CYRIA: variants seen among roughly 807,000 people sequenced by gnomAD.
CYRIA encodes CYFIP-related Rac1 interactor A.
A neutral mutation model predicts 43.9 loss-of-function variants in CYRIA; 15 were observed. The ratio of observed to expected loss-of-function variants is 0.34; its 90% confidence interval spans 0.23 to 0.53. The LOEUF is 0.53. CYRIA is among the 20% of genes least tolerant of loss of function. CYRIA has a pLI of 0.94. For missense variants in CYRIA, 236 were observed against 394.2 expected (o/e 0.60, Z 3.40); for synonymous variants, 117 against 136.0 (o/e 0.86, Z 0.97).
chr2:16,583,104 T>C (rs1051849391), intron 3 of CYRIA, among the ~76,000 whole-genome samples: 3 of 152,230 alleles, frequency 2.0e-5, no homozygotes, highest in African/African-American at 7.2e-5. Context: ...ATTTCCTTCA[T>C]GACTAATGAT....
At chr2:16,658,839 G>A (rs761449392) in intron 1 of CYRIA, among the ~76,000 whole-genome samples, 13 of 152,114 alleles carry the variant, frequency 8.5e-5, no homozygotes, top group African/African-American at 1.2e-4. Context: ...CAGCATGCAT[G>A]CCTGTCACTC....
At chr2:16,591,434 T>C (rs1667926890) in intron 2 of CYRIA, among the ~76,000 whole-genome samples, 2 of 152,078 alleles carry the variant, frequency 1.3e-5, no homozygotes, top group Admixed American at 1.3e-4. Flanking sequence ...TTTTTTTAAC[T>C]GAAAAAAGGA....
intron 10 of CYRIA, among the ~76,000 whole-genome samples, 162 bp from the exon 11 acceptor site, chr2:16,555,301 T>A (rs1269694397): frequency 6.6e-6 from 1 of 152,160 alleles, no homozygotes; most frequent in Non-Finnish European, 1.5e-5. Context: ...GCTGGTGAGC[T>A]GTTCCTCTGG....
At chr2:16,582,530 C>T (rs2103448722) in intron 3 of CYRIA, among the ~76,000 whole-genome samples, 1 of 152,286 alleles carries the variant, frequency 6.6e-6, no homozygotes, top group African/African-American at 2.4e-5. Context: ...CCAACCCTCT[C>T]CCCACCTCCG....
intron 2 of CYRIA, among the ~76,000 whole-genome samples, chr2:16,602,864 G>T (rs1316760240): frequency 6.6e-6 from 1 of 151,994 alleles, no homozygotes; most frequent in African/African-American, 2.4e-5. Flanking sequence ...CCCTAATAAG[G>T]ACACCCTCGC....
At chr2:16,657,003 AGCCTGGGG>A (rs769581622) in intron 1 of CYRIA, among the ~76,000 whole-genome samples, 13 of 152,254 alleles carry the variant, frequency 8.5e-5, no homozygotes, top group Non-Finnish European at 1.3e-4. Flanking sequence ...TCCAGAGGTC[AGCCTGGGG>A]CTGGCAGAAG....
At chr2:16,610,241 T>C (rs1034769613) in intron 2 of CYRIA, among the ~76,000 whole-genome samples, 5 of 152,310 alleles carry the variant, frequency 3.3e-5, no homozygotes, top group South Asian at 2.1e-4. Context: ...AGCAAGTGAG[T>C]AACTTGCCTA....
At chr2:16,604,629 T>C (rs1477616466) in intron 2 of CYRIA, among the ~76,000 whole-genome samples, 1 of 152,238 alleles carries the variant, frequency 6.6e-6, no homozygotes, top group East Asian at 1.9e-4. Context: ...AAAATACTTC[T>C]CATCTAAAGG....
At chr2:16,609,460 G>T (rs527392826) in intron 2 of CYRIA, among the ~76,000 whole-genome samples, 1 of 152,276 alleles carries the variant, frequency 6.6e-6, no homozygotes, top group South Asian at 2.1e-4. Context: ...CTTCTAGCTG[G>T]AGACCACATG....
chr2:16,570,477 A>G (rs1287509459), intron 3 of CYRIA, among the ~76,000 whole-genome samples: 1 of 152,168 alleles, frequency 6.6e-6, no homozygotes, highest in African/African-American at 2.4e-5. Context: ...AGCTGTTATC[A>G]TTTTGCCATC....
At chr2:16,645,995 T>C (rs944597457) in intron 1 of CYRIA, among the ~76,000 whole-genome samples, 5 of 152,182 alleles carry the variant, frequency 3.3e-5, no homozygotes, top group South Asian at 2.1e-4. Flanking sequence ...AAATGCCCAA[T>C]GAATAATTCA....
Position 16,642,320 on chromosome 2 carries a change from G to T in CYRIA, c.-166-18301C>A, listed in dbSNP as rs1259816638. On this transcript the variant is annotated intron_variant, in intron 1 of 11. Transcript: ENST00000381323. ...TCTACCCACATTATTTCTCATGTCA[G>T]CTAATGACAATTCCATCCTTCTAGT... Among the ~76,000 whole-genome samples the T allele has an allele frequency of 2.0e-5, 3 of 152,172 alleles. No homozygotes were observed. The East Asian group carries it at 5.8e-4, about 29-fold the overall frequency.
chr2:16,585,627 T>C (rs937912084), intron 3 of CYRIA, among the ~76,000 whole-genome samples: 7 of 152,178 alleles, frequency 4.6e-5, no homozygotes, highest in Non-Finnish European at 1.0e-4. Flanking sequence ...GGAAATTAAA[T>C]TGACAAATGG....
chr2:16,614,525 G>A (rs1014584430), intron 2 of CYRIA, among the ~76,000 whole-genome samples: 14 of 152,144 alleles, frequency 9.2e-5, no homozygotes, highest in African/African-American at 2.4e-4. Context: ...ACATTCGAAC[G>A]CTTTGCCTTT....
Position 16,564,054 on chromosome 2 carries a change from G to C in CYRIA, c.233C>G (p.Ala78Gly). Reference sequence around the variant, plus strand: ...AACAAGAGGGCACACCGCATTCCAAGCTTTTTCTTGAAGCTGAATGTCATT... The same window carrying C: ...AACAAGAGGGCACACCGCATTCCAACCTTTTTCTTGAAGCTGAATGTCATT... The part of the protein sequence containing the change: ...NPNDIQLQEK[A>G]WNAVCPLVVR... The change falls in exon 5 of 12, where the codon GCT becomes GGT. Residue 78 changes from alanine to glycine, a missense_variant. By Grantham distance (60) the Ala-to-Gly change is moderately conservative. Around this residue, in one of 3 missense-constraint regions of CYRIA, gnomAD observed 193 missense variants for 303.9 expected, o/e 0.64. Coordinates refer to ENST00000381323, the MANE Select transcript of CYRIA (RefSeq NM_030797.4). 6.2e-7 allele frequency: 1 copy of C among 1,613,604 alleles called. No individual in the cohort carries two copies. Among genetic ancestry groups the C allele is most frequent in the Non-Finnish European group, 8.5e-7 (1 of 1,179,738 alleles).
chr2:16,603,657 A>G (rs1668282940), intron 2 of CYRIA, among the ~76,000 whole-genome samples: 1 of 152,232 alleles, frequency 6.6e-6, no homozygotes, highest in South Asian at 2.1e-4. Flanking sequence ...AACAGTGCCT[A>G]TCGCAGCAAA....
chr2:16,589,451 T>C (rs1667845626), intron 2 of CYRIA, among the ~76,000 whole-genome samples: 1 of 151,698 alleles, frequency 6.6e-6, no homozygotes, highest in South Asian at 2.1e-4. Context: ...TATAAATCAC[T>C]AACATGAAAT....
intron 3 of CYRIA, among the ~76,000 whole-genome samples, chr2:16,576,662 T>C (rs1435588727): frequency 2.0e-5 from 3 of 152,220 alleles, no homozygotes; most frequent in African/African-American, 7.2e-5. Flanking sequence ...CCTCCTCCAG[T>C]AGAGTGTAAA....
At chr2:16,646,823 AG>A (rs58766180) in intron 1 of CYRIA, among the ~76,000 whole-genome samples, 14,773 of 151,950 alleles carry the variant, frequency 0.097, 1,791 homozygotes, top group African/African-American at 0.28. Flanking sequence ...GGTGAATTAA[AG>A]GGGGGGGATT....
Sources: gnomAD v4.1 joint callset for allele counts (sites outside exome capture counted in the v4.1 genomes callset) on GRCh38, gnomAD v4.1.1 for gene constraint, gnomAD v4.1.1 regional missense constraint, MANE v1.5 for transcripts, NCBI Gene and HGNC (gene_info 2026-07-23, HGNC 2026-07-21) for gene names.